The following CAMK1D variants were observed in gnomAD, a reference collection of about 807,000 sequenced individuals.
CAMK1D encodes calcium/calmodulin-dependent protein kinase type 1D.
Under a neutral mutation model 47.7 loss-of-function variants are expected in CAMK1D, and 9 were observed. The ratio of observed to expected loss-of-function variants is 0.19; its 90% CI spans 0.11 to 0.33. The LOEUF (loss-of-function observed/expected upper bound fraction) is 0.33. Among genes scored for constraint, CAMK1D ranks in the 10% least tolerant of loss-of-function variants. CAMK1D has a pLI of 1.00. For synonymous variants in CAMK1D, 184 were observed against 184.9 expected (o/e 0.99, Z 0.04); for missense variants, 291 against 488.7 (o/e 0.60, Z 3.81).
chr10:12,627,575 C>T (rs977372062), intron 2 of CAMK1D, among the ~76,000 whole-genome samples: 1 of 152,128 alleles, frequency 6.6e-6, no homozygotes, highest in Non-Finnish European at 1.5e-5. Context: ...TACAACCACT[C>T]ATCTGATTTG....
intron 3 of CAMK1D, among the ~76,000 whole-genome samples, chr10:12,722,012 T>C (rs1834399214): frequency 6.6e-6 from 1 of 152,100 alleles, no homozygotes; most frequent in Non-Finnish European, 1.5e-5. Context: ...GTCCCTTTTA[T>C]AAGGGCGTTA....
chr10:12,478,261 G>A (rs1833961542), intron 1 of CAMK1D, among the ~76,000 whole-genome samples: 1 of 151,570 alleles, frequency 6.6e-6, no homozygotes, highest in South Asian at 2.1e-4. Flanking sequence ...ACCTGCCTCG[G>A]CCTCCCAAAG....
intron 3 of CAMK1D, among the ~76,000 whole-genome samples, chr10:12,728,140 G>A (rs890435797): frequency 1.3e-5 from 2 of 152,190 alleles, no homozygotes; most frequent in South Asian, 2.1e-4. Context: ...TGCCTCCATA[G>A]CACTGAGTTG....
chr10:12,388,692 G>A (rs1838610502), intron 1 of CAMK1D, among the ~76,000 whole-genome samples: 1 of 152,134 alleles, frequency 6.6e-6, no homozygotes, highest in East Asian at 1.9e-4. Flanking sequence ...ATGCCTACTT[G>A]GGAGACTTCT....
intron 2 of CAMK1D, among the ~76,000 whole-genome samples, chr10:12,597,588 G>A (rs1286496405): frequency 6.6e-6 from 1 of 152,176 alleles, no homozygotes; most frequent in East Asian, 1.9e-4. Flanking sequence ...TTTCATAGAG[G>A]GGCACTTCCA....
At chr10:12,616,170 GTA>G (rs1221204333) in intron 2 of CAMK1D, among the ~76,000 whole-genome samples, 2 of 152,126 alleles carry the variant, frequency 1.3e-5, no homozygotes, top group Non-Finnish European at 2.9e-5. Context: ...GTATATGTGT[GTA>G]GTTTCATATG....
chr10:12,742,842 T>A (rs2130850262), intron 3 of CAMK1D, among the ~76,000 whole-genome samples: 1 of 152,252 alleles, frequency 6.6e-6, no homozygotes, highest in African/African-American at 2.4e-5. Flanking sequence ...GACAAAGAGC[T>A]CCATGCTTTA....
chr10:12,685,287 C>G (rs990764993), intron 3 of CAMK1D, among the ~76,000 whole-genome samples: 1 of 152,142 alleles, frequency 6.6e-6, no homozygotes, highest in Non-Finnish European at 1.5e-5. Flanking sequence ...GGCGACAGAA[C>G]GAGACTCTGT....
chr10:12,764,959 G>A (rs183096920), intron 4 of CAMK1D, among the ~76,000 whole-genome samples: 5 of 152,144 alleles, frequency 3.3e-5, no homozygotes, highest in African/African-American at 1.2e-4. Context: ...GCCGTGTGTG[G>A]TGGCACATGC....
intron 2 of CAMK1D, among the ~76,000 whole-genome samples, chr10:12,585,903 G>T (rs139185759): frequency 6.6e-6 from 1 of 152,176 alleles, no homozygotes; most frequent in African/African-American, 2.4e-5. Flanking sequence ...GCTCAGGGCC[G>T]TTCCTCTTCT....
intron 1 of CAMK1D, among the ~76,000 whole-genome samples, chr10:12,486,321 G>A (rs908888870): frequency 1.2e-4 from 18 of 152,060 alleles, no homozygotes; most frequent in East Asian, 1.9e-4. Context: ...ACCACACCTG[G>A]CTAATTTTTT....
chr10:12,568,147 T>TG (rs1837188285), intron 2 of CAMK1D, among the ~76,000 whole-genome samples: 1 of 74,712 alleles, frequency 1.3e-5, no homozygotes, highest in African/African-American at 6.0e-5. Flanking sequence ...CCTCCCTCTC[T>TG]CCCTGTTTCC....
chr10:12,670,611 G>T (rs1168220578), intron 3 of CAMK1D, among the ~76,000 whole-genome samples: 1 of 151,718 alleles, frequency 6.6e-6, no homozygotes, highest in East Asian at 1.9e-4. Flanking sequence ...GCAATGGCGT[G>T]ATCTTGGCTC....
intron 2 of CAMK1D, among the ~76,000 whole-genome samples, chr10:12,605,502 C>G (rs1168152148): frequency 6.6e-6 from 1 of 152,164 alleles, no homozygotes; most frequent in Non-Finnish European, 1.5e-5. Context: ...CTGCCCAGCA[C>G]CTGGTGATTC....
chr10:12,413,330 C>T (rs925984504), intron 1 of CAMK1D, among the ~76,000 whole-genome samples: 6 of 152,094 alleles, frequency 3.9e-5, no homozygotes, highest in African/African-American at 1.2e-4. Context: ...GTGAGGGATC[C>T]GCTCCCATGA....
At chr10:12,352,740 CT>C (rs760701327) in intron 1 of CAMK1D, among the ~76,000 whole-genome samples, 115 of 54,148 alleles carry the variant, frequency 2.1e-3, no homozygotes, top group African/African-American at 6.3e-3. Flanking sequence ...TGTGGACTTT[CT>C]TTTTTTTTTT....
intron 1 of CAMK1D, among the ~76,000 whole-genome samples, chr10:12,491,660 A>G (rs1482665906): frequency 3.9e-5 from 6 of 151,998 alleles, no homozygotes; most frequent in African/African-American, 1.4e-4. Context: ...CGAGAGGATG[A>G]ACTGAAATCA....
intron 1 of CAMK1D, among the ~76,000 whole-genome samples, chr10:12,442,207 C>T (rs1461427300): frequency 1.3e-5 from 2 of 152,034 alleles, no homozygotes; most frequent in East Asian, 1.9e-4. Context: ...TGAGGCCGGG[C>T]GCGGTGGCTC....
At chr10:12,546,719 C>CA (rs1040125936) in intron 1 of CAMK1D, among the ~76,000 whole-genome samples, 2 of 150,156 alleles carry the variant, frequency 1.3e-5, no homozygotes, top group African/African-American at 4.9e-5. Flanking sequence ...GACAGAAAAC[C>CA]AAACACCGCA....
Sources: allele counts gnomAD v4.1 joint callset (sites outside exome capture counted in the v4.1 genomes callset), GRCh38; gene constraint gnomAD v4.1.1; transcripts MANE v1.5; gene names NCBI Gene and HGNC (gene_info 2026-07-23, HGNC 2026-07-21).